BCAS3: variants seen among roughly 807,000 people sequenced by gnomAD.
BCAS3 encodes BCAS3 microtubule associated cell migration factor, also known as BCAS4/BCAS3 fusion.
Under a neutral mutation model 116.1 loss-of-function variants are expected in BCAS3, and 53 were observed. The ratio of observed to expected loss-of-function variants is 0.46; its 90% confidence interval spans 0.37 to 0.57. BCAS3 has a LOEUF of 0.57. Ranked by LOEUF, BCAS3 falls within the 20% of genes least tolerant of loss-of-function variation. The probability of loss-of-function intolerance (pLI) is 0.00; values close to 1 mark genes in which losing one functional copy is unlikely to be tolerated. For synonymous variants in BCAS3, 391 were observed against 408.2 expected, an observed-to-expected ratio of 0.96 and a Z score of 0.51; for missense variants, 917 against 1,165.4, an observed-to-expected ratio of 0.79 and a Z score of 3.10.
chr17:61,015,323 A>G (rs1473753680), intron 15 of BCAS3, among the ~76,000 whole-genome samples: 1 of 152,198 alleles, frequency 6.6e-6, no homozygotes, highest in East Asian at 1.9e-4. Context: ...GGGTCTCTCT[A>G]ATGCCACCTG....
chr17:61,267,252 T>G (rs907038592), intron 22 of BCAS3, among the ~76,000 whole-genome samples: 3 of 145,888 alleles, frequency 2.1e-5, no homozygotes, highest in African/African-American at 5.2e-5. Context: ...AGAGACGAGG[T>G]TTCACCGTGT....
At position 61,219,639 on chromosome 17, in the gene BCAS3, A is replaced by G. The variant is rs1037314558; in HGVS notation, c.2425+135075A>G. On this transcript the variant is annotated intron_variant, in intron 22 of 23. Transcript: ENST00000407086. This position sits in a 1 kb window ranked among gnomAD's most constrained non-coding sequence, Gnocchi z 5.2. ...TCAGAAGTGTTTTAACAGGGTTTTAATGGGCAGCCTCTGTAGCTCCTTGGA... is the reference window on the plus strand; with the variant it reads ...TCAGAAGTGTTTTAACAGGGTTTTAGTGGGCAGCCTCTGTAGCTCCTTGGA... Among the ~76,000 whole-genome samples, 1 of 152,154 alleles carries G rather than the reference A, an allele frequency of 6.6e-6. No individual in the cohort carries two copies.
Position 61,315,838 on chromosome 17 carries a change from C to T in BCAS3, c.2426-52489C>T, listed in dbSNP as rs1250734339. Among the ~76,000 whole-genome samples the T allele has an allele frequency of 1.3e-5, 2 of 152,180 alleles. No homozygotes were observed. Among genetic ancestry groups the T allele is most frequent in the Non-Finnish European group, 2.9e-5 (2 of 68,048 alleles). On this transcript the variant is annotated intron_variant, in intron 22 of 23. Transcript: ENST00000407086. The surrounding 1 kb of genome is among the most constrained non-coding windows in gnomAD (Gnocchi z 5.3). Reference sequence around the variant, plus strand: ...TCCACGGCTCCCCTGCAGTAGCACACCTCTGCACAGCTTTCCTCTTTACTC... The same window carrying T: ...TCCACGGCTCCCCTGCAGTAGCACATCTCTGCACAGCTTTCCTCTTTACTC...
intron 22 of BCAS3, among the ~76,000 whole-genome samples, chr17:61,201,692 A>G (rs895341830): frequency 3.9e-5 from 6 of 152,054 alleles, no homozygotes; most frequent in African/African-American, 1.4e-4. Flanking sequence ...TGAAAAATCC[A>G]TGGGCTTTTA....
chr17:61,359,381 A>G (rs2058328741), intron 22 of BCAS3, among the ~76,000 whole-genome samples: 1 of 152,108 alleles, frequency 6.6e-6, no homozygotes. Context: ...CATTCTACAA[A>G]ATAGAATGAG....
intron 22 of BCAS3, among the ~76,000 whole-genome samples, chr17:61,190,664 A>G (rs2080052707): frequency 6.7e-6 from 1 of 150,122 alleles, no homozygotes; most frequent in Non-Finnish European, 1.5e-5. Flanking sequence ...CTGGAGTGCT[A>G]TGGCGTGATC....
At position 61,126,609 on chromosome 17, in the gene BCAS3, C is replaced by G. The variant is rs2076058419; in HGVS notation, c.2425+42045C>G. ...GAACCACTAGTTTTGAAAGTTGAGC[C>G]AGACCAGGAAAAATCAGGATACAAT... On this transcript the variant is annotated intron_variant, in intron 22 of 23. Transcript: ENST00000407086. This position sits in a 1 kb window ranked among gnomAD's most constrained non-coding sequence, Gnocchi z 4.6. Among the ~76,000 whole-genome samples the G allele has an allele frequency of 6.6e-6, 1 of 152,128 alleles. No individual in the cohort carries two copies. The highest frequency in any genetic ancestry group is 6.5e-5 in the Admixed American group (1 of 15,268).
At chr17:61,329,943 C>T (rs1379048075) in intron 22 of BCAS3, among the ~76,000 whole-genome samples, 2 of 152,136 alleles carry the variant, frequency 1.3e-5, no homozygotes, top group Admixed American at 6.5e-5. Flanking sequence ...TTCCTTTTAG[C>T]AGACACTGTT....
chr17:61,385,732 C>T (rs75219212), intron 23 of BCAS3, among the ~76,000 whole-genome samples: 128 of 152,380 alleles, frequency 8.4e-4, no homozygotes, highest in African/African-American at 2.7e-3. Flanking sequence ...ACCACAGTCC[C>T]TGCTGATGTG....
intron 5 of BCAS3, among the ~76,000 whole-genome samples, chr17:60,744,914 T>C (rs568024422): frequency 6.1e-4 from 93 of 152,326 alleles, no homozygotes; most frequent in African/African-American, 2.2e-3. Flanking sequence ...AAAAGTGTTG[T>C]ATATTCAGGT....
At chr17:61,342,877 C>T (rs2057269702) in intron 22 of BCAS3, among the ~76,000 whole-genome samples, 1 of 151,820 alleles carries the variant, frequency 6.6e-6, no homozygotes, top group African/African-American at 2.4e-5. Flanking sequence ...AGCCTCCGAA[C>T]TAGCTGGGAT....
rs572852830 is a variant in BCAS3, at chr17:61,162,139, A to G, written c.2425+77575A>G. On this transcript the variant is annotated intron_variant, in intron 22 of 23. Transcript: ENST00000407086. This position sits in a 1 kb window ranked among gnomAD's most constrained non-coding sequence, Gnocchi z 5.6. ...AATGTACGTATCCTGGTCCTGCACCATGTTTTTCTTCAGTAAAAATTGAAG... is the reference window on the plus strand; with the variant it reads ...AATGTACGTATCCTGGTCCTGCACCGTGTTTTTCTTCAGTAAAAATTGAAG... Among the ~76,000 whole-genome samples, 2 of 152,298 alleles carry G rather than the reference A, an allele frequency of 1.3e-5. No homozygotes were observed. Among genetic ancestry groups the G allele is most frequent in the Admixed American group, 1.3e-4 (2 of 15,292 alleles).
chr17:61,234,210 C>T (rs1303264985), intron 22 of BCAS3, among the ~76,000 whole-genome samples: 1 of 152,128 alleles, frequency 6.6e-6, no homozygotes, highest in South Asian at 2.1e-4. Context: ...AATCTGCAAC[C>T]ATTAGTGCTC....
In BCAS3 at chr17:60,889,716, C is replaced by T; in HGVS notation, c.683C>T (p.Pro228Leu). 6.2e-7 allele frequency: 1 copy of T among 1,613,304 alleles called. No homozygotes were observed. The highest frequency in any genetic ancestry group is 2.2e-5 in the East Asian group (1 of 44,868). Residue 228 changes from proline (P) to leucine (L), a missense_variant, in exon 10 of 24, where the codon CCA (proline) becomes CTA (leucine). Around this residue, in one of 3 missense-constraint regions of BCAS3, gnomAD observed 807 missense variants for 1,026.0 expected, o/e 0.79. Coordinates refer to ENST00000407086, the MANE Select transcript of BCAS3 (RefSeq NM_017679.5). ...TCAGGCTGCTATCCATGTCCAGGGC[C>T]AAACATGAATCCTATTGCTCTTGGG... ...FVTSCYPCPG[P>L]NMNPIALGSR...
rs1295926333 is a variant in BCAS3 at position 61,189,741 on chromosome 17, A to G, written c.2425+105177A>G. On this transcript the variant is annotated intron_variant, in intron 22 of 23. Transcript: ENST00000407086. This position sits in a 1 kb window ranked among gnomAD's most constrained non-coding sequence, Gnocchi z 4.5. ...TAATATAAATCCCAGGTTTCTGTCT[A>G]TGCTAATTAAGTGGAAGAGAGAATG... Among the ~76,000 whole-genome samples, 1 of 152,218 alleles carries G rather than the reference A, an allele frequency of 6.6e-6. No homozygotes were observed. The highest frequency in any genetic ancestry group is 1.5e-5 in the Non-Finnish European group (1 of 68,028).
chr17:61,110,390 C>T (rs1019868481), intron 22 of BCAS3, among the ~76,000 whole-genome samples: 5 of 152,028 alleles, frequency 3.3e-5, no homozygotes, highest in East Asian at 1.9e-4. Context: ...GTGCGCGCAC[C>T]GTGCGCAAGC....
Position 61,122,008 on chromosome 17 carries a change from G to A in BCAS3, c.2425+37444G>A, listed in dbSNP as rs945615554. ...CTCCCAAAATGCTGGGATTACAGGCGTGAGCCACTGTGCCCGGCCAAAAAC... is the reference window on the plus strand; with the variant it reads ...CTCCCAAAATGCTGGGATTACAGGCATGAGCCACTGTGCCCGGCCAAAAAC... On this transcript the variant is annotated intron_variant, in intron 22 of 23. Coordinates refer to ENST00000407086, the MANE Select transcript of BCAS3 (RefSeq NM_017679.5). The surrounding 1 kb of genome is among the most constrained non-coding windows in gnomAD (Gnocchi z 4.6). 6.6e-6 allele frequency among the ~76,000 whole-genome samples: 1 copy of A among 152,106 alleles called. No individual in the cohort carries two copies. Among genetic ancestry groups the A allele is most frequent in the African/African-American group, 2.4e-5 (1 of 41,370 alleles).
intron 6 of BCAS3, among the ~76,000 whole-genome samples, chr17:60,806,045 T>G (rs2048248509): frequency 6.6e-6 from 1 of 151,452 alleles, no homozygotes; most frequent in African/African-American, 2.4e-5. Flanking sequence ...TTTTTGTATT[T>G]TTTTTTTTTA....
At chr17:60,796,276 A>G (rs530621355) in intron 6 of BCAS3, among the ~76,000 whole-genome samples, 95 of 152,186 alleles carry the variant, frequency 6.2e-4, no homozygotes, top group Middle Eastern at 3.4e-3. Context: ...TCCTTTCTCT[A>G]TCTTGTGGAA....
Sources: gnomAD v4.1 joint callset for allele counts (sites outside exome capture counted in the v4.1 genomes callset) on GRCh38, gnomAD v4.1.1 for gene constraint, gnomAD v4.1.1 regional missense constraint, Gnocchi (gnomAD v3.1) non-coding constraint, MANE v1.5 for transcripts, NCBI Gene and HGNC (gene_info 2026-07-23, HGNC 2026-07-21) for gene names.